CPQ: variants seen among roughly 807,000 people sequenced by gnomAD.
CPQ encodes Ser-Met dipeptidase.
Under a neutral mutation model 45.7 loss-of-function variants are expected in CPQ, and 37 were observed. That is an observed-to-expected ratio of 0.81 (90% confidence interval 0.62 to 1.07). The LOEUF (loss-of-function observed/expected upper bound fraction) is 1.07. Among genes scored for constraint, CPQ ranks in the 50% least tolerant of loss-of-function variants. The pLI, the probability that CPQ is intolerant of heterozygous loss-of-function variation, is 0.00. For missense variants in CPQ, 537 were observed against 572.9 expected (o/e 0.94, Z 0.64); for synonymous variants, 186 against 205.8 (o/e 0.90, Z 0.82).
chr8:96,686,600 ATACTCACT>A, intron 1 of CPQ, among the ~76,000 whole-genome samples: 1 of 151,962 alleles, frequency 6.6e-6, no homozygotes, highest in East Asian at 1.9e-4. Flanking sequence ...CTATTTGCAA[ATACTCACT>A]TAGGGTCTTT....
chr8:96,824,482 TAC>T (rs1414696790), intron 2 of CPQ, among the ~76,000 whole-genome samples: 3 of 152,066 alleles, frequency 2.0e-5, no homozygotes, highest in Non-Finnish European at 4.4e-5. Context: ...ATTGAATCTA[TAC>T]ACACATCATT....
intron 4 of CPQ, among the ~76,000 whole-genome samples, chr8:96,881,000 AT>A: frequency 6.6e-6 from 1 of 152,314 alleles, no homozygotes; most frequent in African/African-American, 2.4e-5. Flanking sequence ...TGATGTGGAA[AT>A]TCAACCTCGG....
At chr8:96,718,611 C>T (rs369331346) in intron 1 of CPQ, among the ~76,000 whole-genome samples, 23 of 152,212 alleles carry the variant, frequency 1.5e-4, no homozygotes, top group East Asian at 5.8e-4. Flanking sequence ...GCTTCCACAG[C>T]GTGGAAGGGG....
chr8:96,751,439 T>G (rs1255081181), intron 1 of CPQ, among the ~76,000 whole-genome samples: 2 of 152,254 alleles, frequency 1.3e-5, no homozygotes, highest in Non-Finnish European at 2.9e-5. Context: ...TGTCTTCTTT[T>G]GAGAAGTGTC....
rs560141253 is a variant in CPQ at position 96,831,204 on chromosome 8, CTTCA to C, written c.434-3760_434-3757del. ...TTATACTTTTATTTTTTCGGTTTCT[CTTCA>C]TTCATTCAGTGGGTTATGGGTATGT... is the stretch of plus-strand genomic sequence containing the variant. On this transcript the variant is annotated intron_variant, in intron 2 of 7. Coordinates refer to ENST00000220763, the MANE Select transcript of CPQ (RefSeq NM_016134.4). Among the ~76,000 whole-genome samples the C allele has an allele frequency of 1.6e-4, 24 of 151,970 alleles. No individual in the cohort carries two copies. In the East Asian group the frequency reaches 3.3e-3, roughly 21 times the overall value.
intron 1 of CPQ, among the ~76,000 whole-genome samples, chr8:96,740,371 A>T (rs942346748): frequency 6.6e-6 from 1 of 152,126 alleles, no homozygotes; most frequent in Non-Finnish European, 1.5e-5. Context: ...GGCTGAGAAG[A>T]TGGGGTTTTC....
chr8:96,655,193 A>G (rs1815624556), intron 1 of CPQ, among the ~76,000 whole-genome samples: 1 of 152,036 alleles, frequency 6.6e-6, no homozygotes, highest in South Asian at 2.1e-4. Context: ...GTCTTCTGAA[A>G]TTATGTGAAG....
At chr8:97,009,783 T>A (rs548203141) in intron 5 of CPQ, among the ~76,000 whole-genome samples, 1 of 152,286 alleles carries the variant, frequency 6.6e-6, no homozygotes, top group East Asian at 1.9e-4. Flanking sequence ...GACAATTTTA[T>A]CCGAGGTCTG....
chr8:96,728,462 G>A (rs989354028), intron 1 of CPQ, among the ~76,000 whole-genome samples: 3 of 152,060 alleles, frequency 2.0e-5, no homozygotes, highest in African/African-American at 7.2e-5. Flanking sequence ...TAAAACAGCA[G>A]TTTTTTGATT....
intron 1 of CPQ, among the ~76,000 whole-genome samples, chr8:96,661,297 A>C (rs542918672): frequency 6.6e-6 from 1 of 152,254 alleles, no homozygotes; most frequent in Non-Finnish European, 1.5e-5. Flanking sequence ...ATTCCCTACC[A>C]GAGTGGTACA....
chr8:96,747,107 A>G (rs1040592561), intron 1 of CPQ, among the ~76,000 whole-genome samples: 3 of 152,106 alleles, frequency 2.0e-5, no homozygotes, highest in African/African-American at 7.2e-5. Context: ...CCTGGCCAAC[A>G]TGTTGAAACG....
At chr8:96,901,386 C>G (rs759300457) in intron 4 of CPQ, among the ~76,000 whole-genome samples, 1 of 152,140 alleles carries the variant, frequency 6.6e-6, no homozygotes, top group African/African-American at 2.4e-5. Context: ...CCTGCCAACT[C>G]TGATGCAGAG....
chr8:96,702,967 A>G (rs1366197640), intron 1 of CPQ, among the ~76,000 whole-genome samples: 1 of 152,188 alleles, frequency 6.6e-6, no homozygotes, highest in African/African-American at 2.4e-5. Context: ...TGTGTGTTAG[A>G]TAACCTTCAT....
At chr8:97,068,564 C>A (rs550247409) in intron 7 of CPQ, among the ~76,000 whole-genome samples, 2 of 152,074 alleles carry the variant, frequency 1.3e-5, no homozygotes, top group Admixed American at 6.6e-5. Flanking sequence ...ACCCAGGAGG[C>A]GGCAGTTGCA....
intron 2 of CPQ, among the ~76,000 whole-genome samples, chr8:96,793,562 T>C (rs1201978383): frequency 1.3e-5 from 2 of 152,198 alleles, no homozygotes; most frequent in South Asian, 4.1e-4. Context: ...AGTCAAACTA[T>C]ATCATTCTGA....
chr8:96,990,092 C>T lies in CPQ; in HGVS notation c.961+24046C>T, dbSNP rs532346018. ...CCACCTCTGAACCTTTGCTGATGTTCACACCCTGCACAGAGTGCCCTTCTC... is the reference window on the plus strand; with the variant it reads ...CCACCTCTGAACCTTTGCTGATGTTTACACCCTGCACAGAGTGCCCTTCTC... On this transcript the variant is annotated intron_variant, in intron 5 of 7. Transcript: ENST00000220763. Among the ~76,000 whole-genome samples, 23 of 152,272 alleles carry T rather than the reference C, an allele frequency of 1.5e-4. No homozygotes were observed. In the South Asian group the frequency reaches 3.3e-3, roughly 22 times the overall value.
intron 1 of CPQ, among the ~76,000 whole-genome samples, chr8:96,693,781 C>G (rs1487669789): frequency 6.6e-6 from 1 of 152,046 alleles, no homozygotes; most frequent in Admixed American, 6.6e-5. Context: ...AGGCAAAGGA[C>G]TCAGTGGTTA....
chr8:97,094,705 TCTCTA>T (rs1204499240), intron 7 of CPQ, among the ~76,000 whole-genome samples: 1 of 152,116 alleles, frequency 6.6e-6, no homozygotes, highest in Non-Finnish European at 1.5e-5. Context: ...TTCTCTCTCT[TCTCTA>T]AACTTTTCCC....
At chr8:96,858,689 C>T (rs911654421) in intron 3 of CPQ, among the ~76,000 whole-genome samples, 3 of 152,136 alleles carry the variant, frequency 2.0e-5, no homozygotes, top group Admixed American at 1.3e-4. Context: ...ATGTGTATTT[C>T]CCCACTCCTG....
Sources: gnomAD v4.1 joint callset for allele counts (sites outside exome capture counted in the v4.1 genomes callset) on GRCh38, gnomAD v4.1.1 for gene constraint, MANE v1.5 for transcripts, NCBI Gene and HGNC (gene_info 2026-07-23, HGNC 2026-07-21) for gene names.